Variants in MCF2L observed in about 807,000 individuals in gnomAD.
MCF2L encodes MCF.2 cell line derived transforming sequence like.
A neutral mutation model predicts 153.4 loss-of-function variants in MCF2L; 97 were observed. That is an observed-to-expected ratio of 0.63 (90% CI 0.54 to 0.75). MCF2L has a LOEUF of 0.75. MCF2L is among the 30% of genes least tolerant of loss of function. The pLI, the probability that MCF2L is intolerant of heterozygous loss-of-function variation, is 0.00. For missense variants in MCF2L, 1,347 were observed against 1,495.2 expected (o/e 0.90, Z 1.64); for synonymous variants, 659 against 632.2 (o/e 1.04, Z -0.64).
At chr13:113,062,261 C>T (rs9577453) in intron 5 of MCF2L, among the ~76,000 whole-genome samples, 1,682 of 151,966 alleles carry the variant, frequency 0.011, 25 homozygotes, top group African/African-American at 0.039. Context: ...CTAGGCATTG[C>T]GTGTGCAGCT....
chr13:112,918,270 G>C (rs1402174605), intron 2 of MCF2L, among the ~76,000 whole-genome samples: 1 of 152,232 alleles, frequency 6.6e-6, no homozygotes, highest in Non-Finnish European at 1.5e-5. Context: ...ATTGAGGGGA[G>C]AACTGTTACT....
intron 8 of MCF2L, among the ~76,000 whole-genome samples, chr13:113,066,987 G>T (rs1055861701): frequency 6.6e-6 from 1 of 152,234 alleles, no homozygotes; most frequent in Admixed American, 6.5e-5. Context: ...ACTCGACGGC[G>T]CATCCTTGAG....
chr13:113,018,962 C>G (rs759469732), intron 2 of MCF2L, among the ~76,000 whole-genome samples: 4 of 152,198 alleles, frequency 2.6e-5, no homozygotes, highest in Non-Finnish European at 5.9e-5. Flanking sequence ...TTGCTCCATC[C>G]CATGTCCAGG....
At chr13:112,994,729 C>T (rs2083049097) in intron 1 of MCF2L, among the ~76,000 whole-genome samples, 1 of 152,196 alleles carries the variant, frequency 6.6e-6, no homozygotes, top group South Asian at 2.1e-4. Context: ...ACAGGCTCTC[C>T]TGCCTGGGGT....
intron 1 of MCF2L, among the ~76,000 whole-genome samples, chr13:112,900,685 G>A (rs995117453): frequency 6.6e-6 from 1 of 152,144 alleles, no homozygotes; most frequent in South Asian, 2.1e-4. Context: ...GCATGGGTGT[G>A]GCCCTGGTGT....
At chr13:113,089,952 G>T (rs2035038305) in intron 26 of MCF2L, 1 of 1,596,914 alleles carries the variant, frequency 6.3e-7, no homozygotes, top group African/African-American at 1.3e-5. Flanking sequence ...GCCCCAGAAG[G>T]AGCCTCGGCC....
At chr13:112,940,960 G>T (rs1444461925) in intron 2 of MCF2L, among the ~76,000 whole-genome samples, 1 of 152,078 alleles carries the variant, frequency 6.6e-6, no homozygotes, top group Non-Finnish European at 1.5e-5. Context: ...CCTCCTCCTT[G>T]TACAGTCCTG....
At chr13:113,006,322 C>T (rs982513019) in intron 1 of MCF2L, among the ~76,000 whole-genome samples, 3 of 152,222 alleles carry the variant, frequency 2.0e-5, no homozygotes, top group Admixed American at 6.5e-5. Context: ...TTGAATTCCC[C>T]GTCTTTAAAA....
rs1030441686 is a variant in MCF2L at position 113,027,933 on chromosome 13, G to A, written c.278+3175G>A. On this transcript the variant is annotated intron_variant, in intron 3 of 29. Transcript: ENST00000535094. This position sits in a 1 kb window ranked among gnomAD's most constrained non-coding sequence, Gnocchi z 4.8. ...GTCATCTCCAAGCCTCCAGGCCTTTGTCTGTCACCTGCACAGGAGGAAGGG... is the reference window on the plus strand; with the variant it reads ...GTCATCTCCAAGCCTCCAGGCCTTTATCTGTCACCTGCACAGGAGGAAGGG... 4.6e-5 allele frequency among the ~76,000 whole-genome samples: 7 copies of A among 152,320 alleles called. No individual in the cohort carries two copies. Among genetic ancestry groups the A allele is most frequent in the African/African-American group, 1.7e-4 (7 of 41,576 alleles).
intron 24 of MCF2L, 36 bp from the exon 25 acceptor site, chr13:113,088,526 G>T (rs375077259): frequency 6.8e-6 from 11 of 1,610,806 alleles, no homozygotes; most frequent in Middle Eastern, 1.6e-4. Context: ...AAGTAAAGAC[G>T]CTCGTTCACG....
intron 27 of MCF2L, 47 bp downstream of exon 27, chr13:113,094,682 G>T: frequency 1.3e-6 from 2 of 1,574,182 alleles, no homozygotes; most frequent in South Asian, 2.4e-5. Flanking sequence ...GCTGCCCTCC[G>T]GGGATTAGGG....
intron 2 of MCF2L, among the ~76,000 whole-genome samples, chr13:112,911,747 T>C (rs2081235887): frequency 6.6e-6 from 1 of 152,274 alleles, no homozygotes; most frequent in African/African-American, 2.4e-5. Context: ...ACGGATGCGC[T>C]GAGCAGCGAT....
At chr13:112,981,754 G>A (rs989178829) in intron 1 of MCF2L, among the ~76,000 whole-genome samples, 40 of 152,324 alleles carry the variant, frequency 2.6e-4, no homozygotes, top group African/African-American at 7.7e-4. Context: ...GTGCGGGTGC[G>A]GCTCAGAGCC....
intron 12 of MCF2L, among the ~76,000 whole-genome samples, chr13:113,076,375 C>T (rs2033481022): frequency 1.3e-5 from 2 of 152,168 alleles, no homozygotes; most frequent in Non-Finnish European, 2.9e-5. Context: ...AGCAATTCTC[C>T]TGCCTCAGCC....
intron 2 of MCF2L, among the ~76,000 whole-genome samples, chr13:112,944,569 C>CTTTTTT (rs34676086): frequency 9.8e-6 from 1 of 102,178 alleles, no homozygotes. Context: ...TAAACCTGAA[C>CTTTTTT]TTTTTTTTTT....
intron 2 of MCF2L, among the ~76,000 whole-genome samples, chr13:113,019,861 GCCGTCACCAGACA>G (rs1427426768): frequency 6.6e-6 from 1 of 152,162 alleles, no homozygotes; most frequent in African/African-American, 2.4e-5. Context: ...TGGGGAAGCC[GCCGTCACCAGACA>G]CCAAGTCTAT....
intron 1 of MCF2L, among the ~76,000 whole-genome samples, chr13:112,976,523 C>G (rs995411843): frequency 1.3e-5 from 2 of 152,208 alleles, no homozygotes; most frequent in Non-Finnish European, 2.9e-5. Flanking sequence ...GCTCTGGGCT[C>G]GGCCTTCAGG....
At chr13:113,088,852 G>C (rs754523391) in intron 25 of MCF2L, among the ~76,000 whole-genome samples, 1 of 152,218 alleles carries the variant, frequency 6.6e-6, no homozygotes, top group Non-Finnish European at 1.5e-5. Context: ...CCCGGGGTGG[G>C]CTGTTCCACA....
rs373454262 is a variant in MCF2L at position 113,096,573 on chromosome 13, G to C, written c.3212G>C (p.Gly1071Ala). The C allele has an allele frequency of 2.0e-5, 32 of 1,604,620 alleles. No individual in the cohort carries two copies. The highest frequency in any genetic ancestry group is 2.6e-5 in the Non-Finnish European group (31 of 1,178,322). The change falls in exon 29 of 30, where the codon GGC becomes GCC. Residue 1071 changes from glycine (G) to alanine (A), a missense_variant. Coordinates refer to ENST00000535094, the MANE Select transcript of MCF2L (RefSeq NM_001112732.3). ...GLWYVRDPTT[G>A]KEGWVPASSL... ...AGGTACGTCAGGGACCCGACCACTG[G>C]CAAGGAGGGCTGGGTGCCGGCCAGC... is the stretch of plus-strand genomic sequence containing the variant.
Sources: allele counts gnomAD v4.1 joint callset (sites outside exome capture counted in the v4.1 genomes callset), GRCh38; gene constraint gnomAD v4.1.1; non-coding constraint Gnocchi (gnomAD v3.1); transcripts MANE v1.5; gene names NCBI Gene and HGNC (gene_info 2026-07-23, HGNC 2026-07-21).